The following ARHGAP24 variants were observed in gnomAD, a reference collection of about 807,000 sequenced individuals.
ARHGAP24 encodes Rho GTPase activating protein 24.
In ARHGAP24, 50 loss-of-function variants were observed where a neutral mutation model predicts 76.4. The observed-to-expected ratio is 0.65, with a 90% confidence interval of 0.52 to 0.83. ARHGAP24 has a LOEUF of 0.83. Among genes scored for constraint, ARHGAP24 ranks in the 40% least tolerant of loss-of-function variants. The pLI, the probability that ARHGAP24 is intolerant of heterozygous loss-of-function variation, is 0.00. For synonymous variants in ARHGAP24, 345 were observed against 323.3 expected (o/e 1.07, Z -0.72); for missense variants, 930 against 914.2 (o/e 1.02, Z -0.22).
chr4:85,965,752 G>A (rs1307826243), intron 5 of ARHGAP24, among the ~76,000 whole-genome samples: 2 of 152,146 alleles, frequency 1.3e-5, no homozygotes, highest in African/African-American at 4.8e-5. Context: ...AAAGTTTTCA[G>A]GTAATTCCAG....
chr4:85,854,678 G>A (rs1239004843), intron 3 of ARHGAP24, among the ~76,000 whole-genome samples: 3 of 152,096 alleles, frequency 2.0e-5, no homozygotes, highest in African/African-American at 7.2e-5. Flanking sequence ...TCTTACATCC[G>A]GCTATGTCTA....
chr4:85,914,475 GT>G (rs1735259123), intron 3 of ARHGAP24, among the ~76,000 whole-genome samples: 1 of 152,194 alleles, frequency 6.6e-6, no homozygotes, highest in African/African-American at 2.4e-5. Flanking sequence ...GTTATTTGCT[GT>G]CATCTTAGAC....
chr4:85,923,359 T>C (rs1313842871), intron 3 of ARHGAP24, among the ~76,000 whole-genome samples: 1 of 152,204 alleles, frequency 6.6e-6, no homozygotes, highest in Non-Finnish European at 1.5e-5. Flanking sequence ...TTCGCGTGAA[T>C]AGATTGGATT....
At chr4:85,555,832 G>T (rs919782271) in intron 1 of ARHGAP24, among the ~76,000 whole-genome samples, 1 of 151,740 alleles carries the variant, frequency 6.6e-6, no homozygotes, top group East Asian at 2.0e-4. Context: ...AAGCCAGGGG[G>T]CCCTGCATAT....
At chr4:85,544,539 T>C (rs17010402) in intron 1 of ARHGAP24, among the ~76,000 whole-genome samples, 18,767 of 152,178 alleles carry the variant, frequency 0.12, 3,266 homozygotes, top group African/African-American at 0.39. Context: ...CTTTCTCAGA[T>C]ACTTGCTGGG....
Position 85,995,675 on chromosome 4 carries a change from G to A in ARHGAP24, c.2003+18G>A. ...ATAAAGAGGTAAGGAAAATCTGGAG[G>A]TCGTAACTACCAGAGAGGGCTCAGT... On this transcript the variant is annotated intron_variant, in intron 9 of 9. Coordinates refer to ENST00000395184, the MANE Select transcript of ARHGAP24 (RefSeq NM_001025616.3). The A allele has an allele frequency of 1.2e-6, 2 of 1,611,106 alleles. No individual in the cohort carries two copies. Among genetic ancestry groups the A allele is most frequent in the Non-Finnish European group, 1.7e-6 (2 of 1,177,636 alleles).
intron 1 of ARHGAP24, among the ~76,000 whole-genome samples, chr4:85,483,319 A>C (rs1296753242): frequency 6.6e-6 from 1 of 152,208 alleles, no homozygotes; most frequent in Non-Finnish European, 1.5e-5. Flanking sequence ...AGATGGAAAA[A>C]AAAACTCAGT....
rs1340982444 is a variant in ARHGAP24 at position 85,721,964 on chromosome 4, T to C, written c.260T>C (p.Val87Ala). The C allele has an allele frequency of 1.9e-6, 3 of 1,612,738 alleles. No individual in the cohort carries two copies. The highest frequency in any genetic ancestry group is 1.7e-5 in the Admixed American group (1 of 59,976). ...EENPGKFLFE[V>A]VPGGDRDRMT... The stretch of plus-strand genomic sequence containing the variant: ...AACCCAGGGAAGTTCCTTTTTGAAG[T>C]AGTTCCAGGTAAGATATTTTCCTAG... Residue 87 changes from valine (V) to alanine (A), a missense_variant, in exon 3 of 10, where the codon GTA (valine) becomes GCA (alanine). Physicochemically the swap from Val to Ala is moderately conservative, Grantham distance 64 (BLOSUM62 0). Transcript: ENST00000395184.
At chr4:85,874,637 C>T (rs1012420700) in intron 3 of ARHGAP24, among the ~76,000 whole-genome samples, 2 of 150,562 alleles carry the variant, frequency 1.3e-5, no homozygotes, top group South Asian at 4.2e-4. Context: ...CCCTGTTTAA[C>T]GATTACAAGG....
intron 4 of ARHGAP24, among the ~76,000 whole-genome samples, chr4:85,932,008 A>G (rs1320992255): frequency 6.6e-6 from 1 of 152,170 alleles, no homozygotes; most frequent in African/African-American, 2.4e-5. Flanking sequence ...AATAAGAAAA[A>G]TCAAAATTAC....
intron 5 of ARHGAP24, among the ~76,000 whole-genome samples, chr4:85,953,349 T>A (rs1025935347): frequency 1.3e-5 from 2 of 152,008 alleles, no homozygotes; most frequent in Admixed American, 6.6e-5. Context: ...TCCACAGAGA[T>A]AAAATGAAAA....
chr4:85,702,492 G>C (rs1724131954), intron 2 of ARHGAP24, among the ~76,000 whole-genome samples: 1 of 151,964 alleles, frequency 6.6e-6, no homozygotes, highest in Non-Finnish European at 1.5e-5. Context: ...TTTCTTAAAA[G>C]TGTTTTTGAA....
chr4:85,528,107 G>A (rs933665220), intron 1 of ARHGAP24, among the ~76,000 whole-genome samples: 2 of 152,036 alleles, frequency 1.3e-5, no homozygotes, highest in Non-Finnish European at 2.9e-5. Flanking sequence ...ACCTAACCCT[G>A]CGAGAGCTGA....
At chr4:85,726,665 T>G (rs2110048203) in intron 3 of ARHGAP24, among the ~76,000 whole-genome samples, 1 of 152,280 alleles carries the variant, frequency 6.6e-6, no homozygotes, top group African/African-American at 2.4e-5. Context: ...TACCAGTCTT[T>G]GGGATCTAGA....
Position 85,475,577 on chromosome 4 carries a change from G to C in ARHGAP24, c.-21+18G>C, listed in dbSNP as rs376374833. 1 of 151,412 alleles carries C rather than the reference G, an allele frequency of 6.6e-6. No individual in the cohort carries two copies. The highest frequency in any genetic ancestry group is 2.4e-5 in the African/African-American group (1 of 40,904). 9.4% of individuals were successfully genotyped at this position (151,412 alleles called of 1,614,324 possible). Reference sequence around the variant, plus strand: ...CCAGCAAGGTAGGTGATGCGGTCGCGAGGAAGTGCGCGGAGCTACCGCGGG... The same window carrying C: ...CCAGCAAGGTAGGTGATGCGGTCGCCAGGAAGTGCGCGGAGCTACCGCGGG... On this transcript the variant is annotated intron_variant, in intron 1 of 9. Coordinates refer to ENST00000395184, the MANE Select transcript of ARHGAP24 (RefSeq NM_001025616.3).
At chr4:85,730,541 C>A (rs1725361368) in intron 3 of ARHGAP24, among the ~76,000 whole-genome samples, 1 of 152,062 alleles carries the variant, frequency 6.6e-6, no homozygotes, top group Non-Finnish European at 1.5e-5. Flanking sequence ...CGAGTAGTAG[C>A]TGGAACCACA....
chr4:85,797,867 C>T (rs1008555230), intron 3 of ARHGAP24, among the ~76,000 whole-genome samples: 13 of 151,984 alleles, frequency 8.6e-5, no homozygotes, highest in African/African-American at 2.7e-4. Context: ...GTAATTATTT[C>T]GGAGGGGAAA....
At chr4:85,821,470 C>A (rs1729468234) in intron 3 of ARHGAP24, among the ~76,000 whole-genome samples, 1 of 152,208 alleles carries the variant, frequency 6.6e-6, no homozygotes, top group South Asian at 2.1e-4. Flanking sequence ...AACTCCTGGG[C>A]TCAAGTAATC....
chr4:85,977,789 G>C, intron 8 of ARHGAP24, 98 bp downstream of exon 8: 1 of 1,405,372 alleles, frequency 7.1e-7, no homozygotes, highest in Non-Finnish European at 1.0e-6. Context: ...AAGGTAATAA[G>C]TGAATACATG....
Sources: allele counts gnomAD v4.1 joint callset (sites outside exome capture counted in the v4.1 genomes callset), GRCh38; gene constraint gnomAD v4.1.1; transcripts MANE v1.5; gene names NCBI Gene and HGNC (gene_info 2026-07-23, HGNC 2026-07-21).